Variants in ZNF516 observed in about 807,000 individuals in gnomAD.
ZNF516 encodes zinc finger protein 516.
A neutral mutation model predicts 79.7 loss-of-function variants in ZNF516; 19 were observed. The observed-to-expected ratio is 0.24, with a 90% CI of 0.17 to 0.35. ZNF516 has a LOEUF of 0.35. Ranked by LOEUF, ZNF516 falls within the 10% of genes least tolerant of loss-of-function variation. The pLI, the probability that ZNF516 is intolerant of heterozygous loss-of-function variation, is 1.00. For missense variants in ZNF516, 1,678 were observed against 1,679.5 expected, an observed-to-expected ratio of 1.00 and a Z score of 0.02; for synonymous variants, 877 against 739.5, an observed-to-expected ratio of 1.19 and a Z score of -3.02.
At position 76,370,554 on chromosome 18, in the gene ZNF516, T is replaced by G. The variant is rs1352652365; in HGVS notation, c.3406A>C (p.Thr1136Pro). The G allele has an allele frequency of 6.2e-7, 1 of 1,608,562 alleles. No individual in the cohort carries two copies. The highest frequency in any genetic ancestry group is 1.7e-5 in the Admixed American group (1 of 59,368). The change falls in exon 6 of 7, where the codon ACC becomes CCC. Residue 1136 changes from threonine to proline, a missense_variant. Thr to Pro is a conservative substitution (Grantham distance 38, BLOSUM62 -1). Transcript: ENST00000443185. Reference protein sequence around the residue: ...SDGPRGSEVHTTSADAPKQGR... With the variant: ...SDGPRGSEVHPTSADAPKQGR... ...TGTTTGGGGGCGTCTGCGGAGGTGGTATGAACTTCAGAACCCCGAGGCCCA... is the reference window on the plus strand; with the variant it reads ...TGTTTGGGGGCGTCTGCGGAGGTGGGATGAACTTCAGAACCCCGAGGCCCA...
chr18:76,375,647 G>T (rs2074775488), intron 4 of ZNF516, among the ~76,000 whole-genome samples: 1 of 150,886 alleles, frequency 6.6e-6, no homozygotes, highest in Non-Finnish European at 1.5e-5. Flanking sequence ...CCCAAGATGG[G>T]AAGGCCCAAG....
chr18:76,490,776 A>G, intron 1 of ZNF516: 1 of 985,416 alleles, frequency 1.0e-6, no homozygotes, highest in South Asian at 4.7e-5. Flanking sequence ...TCCTTTTGTG[A>G]CTTGCTGGTT....
chr18:76,425,060 T>C (rs2075575502), intron 3 of ZNF516, among the ~76,000 whole-genome samples: 2 of 145,318 alleles, frequency 1.4e-5, no homozygotes, highest in African/African-American at 5.1e-5. Flanking sequence ...GTGAAAAGGT[T>C]CCCCCTGAAA....
chr18:76,456,073 A>C (rs992010896), intron 2 of ZNF516, among the ~76,000 whole-genome samples: 2 of 152,208 alleles, frequency 1.3e-5, no homozygotes, highest in African/African-American at 4.8e-5. Context: ...ATGAGATGCC[A>C]CCAAACTCAC....
intron 3 of ZNF516, among the ~76,000 whole-genome samples, chr18:76,440,838 G>A (rs1437542464): frequency 2.0e-5 from 3 of 152,142 alleles, no homozygotes; most frequent in Non-Finnish European, 2.9e-5. Flanking sequence ...GTCTCAGAAG[G>A]GATCCATGAT....
chr18:76,494,593 A>C (rs1915404482), intron 1 of ZNF516, among the ~76,000 whole-genome samples: 1 of 151,836 alleles, frequency 6.6e-6, no homozygotes, highest in South Asian at 2.1e-4. Context: ...CTCCACGCAA[A>C]CACGTCCCCT....
In ZNF516 at chr18:76,466,439, G is replaced by A. The variant is rs570292201; in HGVS notation, c.-271-3298C>T. Among the ~76,000 whole-genome samples, 31 of 152,342 alleles carry A rather than the reference G, an allele frequency of 2.0e-4. No homozygotes were observed. In the South Asian group the frequency reaches 5.2e-3, roughly 25 times the overall value. ...TGCCACGTGGACGGGATGCTGGCAC[G>A]GAGGCCGACGCTCTGCACGCTCACC... On this transcript the variant is annotated intron_variant, in intron 1 of 6. Transcript: ENST00000443185.
chr18:76,425,969 C>A (rs766071910), intron 3 of ZNF516, among the ~76,000 whole-genome samples: 1 of 152,206 alleles, frequency 6.6e-6, no homozygotes, highest in Non-Finnish European at 1.5e-5. Flanking sequence ...GAATTTCAGA[C>A]GTCAAATTAA....
chr18:76,410,391 C>T (rs575284784), intron 3 of ZNF516, among the ~76,000 whole-genome samples: 169 of 152,318 alleles, frequency 1.1e-3, no homozygotes, highest in Non-Finnish European at 1.6e-3. Context: ...TGGCTTCTTC[C>T]TTTCAGCACA....
chr18:76,374,310 T>C (rs1452379686), intron 4 of ZNF516, among the ~76,000 whole-genome samples: 1 of 152,258 alleles, frequency 6.6e-6, no homozygotes, highest in Non-Finnish European at 1.5e-5. Context: ...ATTATTTTAT[T>C]ACTGTTGTAG....
chr18:76,453,001 C>T (rs1018070290), intron 2 of ZNF516, among the ~76,000 whole-genome samples: 1 of 152,184 alleles, frequency 6.6e-6, no homozygotes, highest in Non-Finnish European at 1.5e-5. Flanking sequence ...GAGCCTCGTT[C>T]CCTTTCTTTT....
At chr18:76,372,434 C>CA (rs141377587) in intron 4 of ZNF516, among the ~76,000 whole-genome samples, 4,619 of 151,564 alleles carry the variant, frequency 0.03, 65 homozygotes, top group African/African-American at 0.044. Context: ...GTAGGAAAAA[C>CA]AAAAAAAACA....
At chr18:76,369,459 T>C (rs1162327054) in intron 6 of ZNF516, among the ~76,000 whole-genome samples, 1 of 152,080 alleles carries the variant, frequency 6.6e-6, no homozygotes, top group African/African-American at 2.4e-5. Flanking sequence ...CATCAGGTAA[T>C]GTCAATTCTA....
intron 1 of ZNF516, among the ~76,000 whole-genome samples, chr18:76,469,542 T>C (rs549464614): frequency 6.6e-6 from 1 of 152,246 alleles, no homozygotes; most frequent in East Asian, 1.9e-4. Flanking sequence ...AAATTAAAAA[T>C]TACCGGGTTG....
Position 76,379,067 on chromosome 18 carries a change from C to A in ZNF516, c.3047G>T (p.Cys1016Phe). ...AAQELRTLAT[C>F]AAGSRGDAAL... ...CGCGTCGCCCCTGGACCCCGCAGCACAGGTGGCCAGAGTCCTCAGCTCCTG... is the reference window on the plus strand; with the variant it reads ...CGCGTCGCCCCTGGACCCCGCAGCAAAGGTGGCCAGAGTCCTCAGCTCCTG... The change falls in exon 4 of 7, where the codon TGT (cysteine) becomes TTT (phenylalanine). Residue 1016 changes from cysteine to phenylalanine, a missense_variant. Coordinates refer to ENST00000443185, the MANE Select transcript of ZNF516 (RefSeq NM_014643.4). The A allele has an allele frequency of 6.2e-7, 1 of 1,610,808 alleles. No homozygotes were observed. The highest frequency in any genetic ancestry group is 8.5e-7 in the Non-Finnish European group (1 of 1,179,606).
At position 76,479,246 on chromosome 18, in the gene ZNF516, C is replaced by G. The variant is rs1232496190; in HGVS notation, c.-272+15898G>C. On this transcript the variant is annotated intron_variant, in intron 1 of 6. Transcript: ENST00000443185. ...GGACCTACAGGGCAGGTAAAATGGT[C>G]AACAGTCGTTCCAGCTCTTGCTGCT... Among the ~76,000 whole-genome samples the G allele has an allele frequency of 2.0e-5, 3 of 152,178 alleles. No individual in the cohort carries two copies. In the East Asian group the frequency reaches 5.8e-4, roughly 29 times the overall value.
chr18:76,400,724 G>C (rs2075207593), intron 3 of ZNF516, among the ~76,000 whole-genome samples: 1 of 152,138 alleles, frequency 6.6e-6, no homozygotes. Flanking sequence ...AAACATGTAG[G>C]TTTTCTACAG....
chr18:76,391,313 A>T (rs1442752264), intron 3 of ZNF516, among the ~76,000 whole-genome samples: 4 of 151,782 alleles, frequency 2.6e-5, no homozygotes, highest in Non-Finnish European at 5.9e-5. Context: ...GTAGCAATAC[A>T]CCTAACCCTA....
chr18:76,488,088 C>T (rs1599167518), intron 1 of ZNF516: 1 of 985,298 alleles, frequency 1.0e-6, no homozygotes, highest in Non-Finnish European at 1.2e-6. Flanking sequence ...CCTCCACATC[C>T]CTCGGTGCCT....
Sources: allele counts gnomAD v4.1 joint callset (sites outside exome capture counted in the v4.1 genomes callset), GRCh38; gene constraint gnomAD v4.1.1; transcripts MANE v1.5; gene names NCBI Gene and HGNC (gene_info 2026-07-23, HGNC 2026-07-21).